Variants in ARSF observed in about 807,000 individuals in gnomAD.
ARSF encodes arylsulfatase F.
In ARSF, 33 loss-of-function variants were observed where a neutral mutation model predicts 35.4. The observed-to-expected ratio is 0.93, with a 90% CI of 0.71 to 1.25. ARSF has a LOEUF of 1.25. Ranked by LOEUF, ARSF falls within the 50% of genes most tolerant of loss-of-function variation. The pLI is 0.00. For synonymous variants in ARSF, 222 were observed against 193.1 expected (o/e 1.15, Z -1.24); for missense variants, 501 against 480.2 (o/e 1.04, Z -0.40).
At chrX:3,100,298 T>A (rs2090366888) in intron 7 of ARSF, among the ~76,000 whole-genome samples, 1 of 112,436 alleles carries the variant, frequency 8.9e-6, no homozygotes, top group Non-Finnish European at 1.9e-5. Flanking sequence ...TGCCTCTGTC[T>A]CCTCAAATTC....
intron 4 of ARSF, among the ~76,000 whole-genome samples, chrX:3,078,154 C>T (rs911651704): frequency 2.7e-5 from 3 of 110,194 alleles, no homozygotes; most frequent in Admixed American, 9.8e-5. Flanking sequence ...ACGAAATTAT[C>T]GTAAGCTCTA....
chrX:3,103,594 A>G (rs2090393602), intron 8 of ARSF, among the ~76,000 whole-genome samples, 168 bp from the exon 9 acceptor site: 1 of 111,863 alleles, frequency 8.9e-6, no homozygotes, highest in Non-Finnish European at 1.9e-5. Context: ...GCAGCACAGG[A>G]AAATATAATT....
At chrX:3,049,333 G>A (rs1204875272) in intron 1 of ARSF, among the ~76,000 whole-genome samples, 2 of 107,204 alleles carry the variant, frequency 1.9e-5, no homozygotes, top group African/African-American at 3.4e-5. Flanking sequence ...ACATGTGACG[G>A]AGGTTGGGGG....
chrX:3,093,991 A>G (rs1273328846), intron 7 of ARSF, among the ~76,000 whole-genome samples: 1 of 111,875 alleles, frequency 8.9e-6, no homozygotes, highest in Non-Finnish European at 1.9e-5. Context: ...TAGATTATAG[A>G]TGGATACATT....
At chrX:3,072,834 TCATA>T (rs1390190341) in intron 3 of ARSF, among the ~76,000 whole-genome samples, 1 of 104,677 alleles carries the variant, frequency 9.6e-6, no homozygotes, top group Non-Finnish European at 1.9e-5. Context: ...AAAGTATATA[TCATA>T]CATTTATTAT....
intron 3 of ARSF, 54 bp from the exon 4 acceptor site, chrX:3,076,494 C>G (rs1182172459): frequency 8.8e-7 from 1 of 1,139,521 alleles, no homozygotes; most frequent in African/African-American, 1.8e-5. Flanking sequence ...TCTCTGCTTC[C>G]CCCGCCCCCC....
chrX:3,083,243 ATCTC>A (rs1371730488), intron 5 of ARSF, among the ~76,000 whole-genome samples: 2 of 110,849 alleles, frequency 1.8e-5, no homozygotes, highest in African/African-American at 6.6e-5. Flanking sequence ...TATCACATCT[ATCTC>A]TCTATTGATA....
chrX:3,088,950 G>T lies in ARSF; in HGVS notation c.831-546G>T, dbSNP rs2090268540. On this transcript the variant is annotated intron_variant, in intron 6 of 10. Coordinates refer to ENST00000381127, the MANE Select transcript of ARSF (RefSeq NM_001201539.2). ...GTCACTGATGGGTTGGGGTAAGAGG[G>T]AATGGAATCATCAGAATATGGAAAT... is the stretch of plus-strand genomic sequence containing the variant. Among the ~76,000 whole-genome samples, 5 of 111,284 alleles carry T rather than the reference G, an allele frequency of 4.5e-5. No homozygotes were observed. The Admixed American group carries it at 4.8e-4, about 11-fold the overall frequency.
At chrX:3,085,634 G>A (rs960269570) in intron 6 of ARSF, among the ~76,000 whole-genome samples, 3 of 110,852 alleles carry the variant, frequency 2.7e-5, no homozygotes, top group Admixed American at 9.8e-5. Flanking sequence ...TTTAAAAAAA[G>A]CCTGTAAACA....
chrX:3,109,433 T>C (rs1370795730), intron 9 of ARSF, among the ~76,000 whole-genome samples: 1 of 112,310 alleles, frequency 8.9e-6, no homozygotes, highest in African/African-American at 3.2e-5. Context: ...TATTTTCTAA[T>C]ATAAATTTTT....
At chrX:3,072,411 C>T (rs187544445) in intron 3 of ARSF, among the ~76,000 whole-genome samples, 252 of 111,310 alleles carry the variant, frequency 2.3e-3, no homozygotes, top group Non-Finnish European at 3.7e-3. Context: ...TAATAATTGT[C>T]CATCTTCACA....
intron 1 of ARSF, among the ~76,000 whole-genome samples, chrX:3,053,321 T>G (rs1165024242): frequency 9.3e-6 from 1 of 107,280 alleles, no homozygotes; most frequent in Non-Finnish European, 1.9e-5. Flanking sequence ...GAATGCTGTA[T>G]CCACAACTTT....
At chrX:3,042,834 T>C (rs763091782) in intron 1 of ARSF, among the ~76,000 whole-genome samples, 3 of 110,878 alleles carry the variant, frequency 2.7e-5, no homozygotes, top group African/African-American at 9.8e-5. Context: ...TTATGAAATA[T>C]GGTAAAAGGA....
At position 3,101,205 on chromosome X, in the gene ARSF, G is replaced by A; in HGVS notation, c.1086G>A (p.Trp362Ter). 1 of 1,211,361 alleles carries A rather than the reference G, an allele frequency of 8.3e-7. No individual in the cohort carries two copies. The highest frequency in any genetic ancestry group is 1.1e-6 in the Non-Finnish European group (1 of 895,299). ...ARRGHAQLGG[W>*]NGIYKGGKGM... ...GAGGGCATGCCCAACTTGGTGGATG[G>A]AATGGAATATACAAAGGTGAGGAGA... The change falls in exon 8 of 11, where the codon TGG becomes TGA. Residue 362 changes from tryptophan (W) to a stop codon, truncating the protein, a stop_gained. Coordinates refer to ENST00000381127, the MANE Select transcript of ARSF (RefSeq NM_001201539.2). LOFTEE classifies it high-confidence loss of function.
chrX:3,040,521 C>T (rs1278614783), upstream of ARSF, among the ~76,000 whole-genome samples: 4 of 111,458 alleles, frequency 3.6e-5, no homozygotes, highest in South Asian at 7.6e-4. Context: ...AAATTAATGT[C>T]GATTGGCCTG....
At chrX:3,064,703 T>C (rs2090056018) in intron 1 of ARSF, among the ~76,000 whole-genome samples, 2 of 111,601 alleles carry the variant, frequency 1.8e-5, no homozygotes, top group Admixed American at 9.5e-5. Flanking sequence ...CATGAAAAAA[T>C]GCTCACCATC....
At chrX:3,077,089 C>T (rs1247080056) in intron 4 of ARSF, among the ~76,000 whole-genome samples, 1 of 111,729 alleles carries the variant, frequency 9.0e-6, no homozygotes, top group Non-Finnish European at 1.9e-5. Flanking sequence ...CACACATGTG[C>T]ATAGGTGCAC....
Position 3,091,822 on chromosome X carries a change from C to T in ARSF, c.967+2190C>T, listed in dbSNP as rs752721782. On this transcript the variant is annotated intron_variant, in intron 7 of 10. Transcript: ENST00000381127. Reference sequence around the variant, plus strand: ...GATAGATGGATAGATAGATGATGGACTGATAGTTGATAGATGATAGGTAGA... The same window carrying T: ...GATAGATGGATAGATAGATGATGGATTGATAGTTGATAGATGATAGGTAGA... 6.6e-3 allele frequency among the ~76,000 whole-genome samples: 277 copies of T among 41,948 alleles called. 1 individual carries two copies. In the South Asian group the frequency reaches 0.093, roughly 14 times the overall value. The allele number at this position is 41,948 out of a possible 115,157, so 36.4% of individuals were successfully genotyped here.
chrX:3,110,214 C>T lies in ARSF; in HGVS notation c.1352C>T (p.Ser451Phe). ...GAATTTCTTTTCCACTACTGTGGCTCCTACCTGCACGCCGTGCGGTGGATC... is the reference window on the plus strand; with the variant it reads ...GAATTTCTTTTCCACTACTGTGGCTTCTACCTGCACGCCGTGCGGTGGATC... Reference protein sequence around the residue: ...EHEFLFHYCGSYLHAVRWIPK... With the variant: ...EHEFLFHYCGFYLHAVRWIPK... Residue 451 changes from serine (S) to phenylalanine (F), a missense_variant, in exon 10 of 11, where the codon TCC becomes TTC. Physicochemically the swap from Ser to Phe is radical, Grantham distance 155 (BLOSUM62 -2). Transcript: ENST00000381127. 8.3e-7 allele frequency: 1 copy of T among 1,200,090 alleles called. No individual in the cohort carries two copies. The highest frequency in any genetic ancestry group is 1.1e-6 in the Non-Finnish European group (1 of 889,086).
Sources: allele counts gnomAD v4.1 joint callset (sites outside exome capture counted in the v4.1 genomes callset), GRCh38; gene constraint gnomAD v4.1.1; transcripts MANE v1.5; gene names NCBI Gene and HGNC (gene_info 2026-07-23, HGNC 2026-07-21).